The following TECRL variants were observed in gnomAD, a reference collection of about 807,000 sequenced individuals.
The protein encoded by TECRL is trans-2,3-enoyl-CoA reductase like, also known as trans-2,3-enoyl-CoA reductase-like.
A neutral mutation model predicts 52.8 loss-of-function variants in TECRL; 63 were observed. The ratio of observed to expected loss-of-function variants is 1.19; its 90% CI spans 0.97 to 1.47. The LOEUF is 1.47. Among genes scored for constraint, TECRL ranks in the 40% most tolerant of loss-of-function variants. The pLI, the probability that TECRL is intolerant of heterozygous loss-of-function variation, is 0.00. For missense variants in TECRL, 482 were observed against 429.6 expected, an observed-to-expected ratio of 1.12 and a Z score of -1.08; for synonymous variants, 164 against 141.9, an observed-to-expected ratio of 1.16 and a Z score of -1.10.
intron 2 of TECRL, among the ~76,000 whole-genome samples, chr4:64,336,163 G>A (rs1004064120): frequency 6.6e-6 from 1 of 152,144 alleles, no homozygotes; most frequent in African/African-American, 2.4e-5. Flanking sequence ...TGGTTGGTAA[G>A]CTGTTAATTA....
intron 2 of TECRL, among the ~76,000 whole-genome samples, chr4:64,354,545 G>A (rs555465585): frequency 6.6e-6 from 1 of 152,262 alleles, no homozygotes; most frequent in South Asian, 2.1e-4. Context: ...AAAGCTCTAA[G>A]TGATATAGCA....
At chr4:64,320,047 G>T (rs1011987165) in intron 4 of TECRL, among the ~76,000 whole-genome samples, 1 of 151,666 alleles carries the variant, frequency 6.6e-6, no homozygotes, top group Non-Finnish European at 1.5e-5. Context: ...TTATACAAGG[G>T]ATAAATTGTA....
chr4:64,350,399 G>C (rs762551767), intron 2 of TECRL, among the ~76,000 whole-genome samples: 14 of 152,118 alleles, frequency 9.2e-5, no homozygotes, highest in Admixed American at 7.9e-4. Context: ...TACATAACTA[G>C]GTGTGAAGGT....
intron 1 of TECRL, among the ~76,000 whole-genome samples, chr4:64,392,125 A>C (rs2081181513): frequency 6.6e-6 from 1 of 151,926 alleles, no homozygotes; most frequent in Non-Finnish European, 1.5e-5. Context: ...AGTCATCTGC[A>C]ACATTGACTG....
chr4:64,345,218 T>C (rs1166021995), intron 2 of TECRL, among the ~76,000 whole-genome samples: 1 of 152,182 alleles, frequency 6.6e-6, no homozygotes, highest in Admixed American at 6.5e-5. Context: ...CCCAAAGGAA[T>C]ATAAATCATG....
intron 2 of TECRL, among the ~76,000 whole-genome samples, chr4:64,331,500 AC>A (rs1718636292): frequency 6.6e-6 from 1 of 152,110 alleles, no homozygotes; most frequent in South Asian, 2.1e-4. Flanking sequence ...AAACTAATCC[AC>A]CATCAGACAG....
chr4:64,327,578 G>T (rs1208166907), intron 3 of TECRL, among the ~76,000 whole-genome samples: 1 of 152,066 alleles, frequency 6.6e-6, no homozygotes, highest in Non-Finnish European at 1.5e-5. Context: ...GTGGGAATTT[G>T]TCTTGAACAT....
At chr4:64,336,784 G>T (rs544506765) in intron 2 of TECRL, among the ~76,000 whole-genome samples, 2 of 152,360 alleles carry the variant, frequency 1.3e-5, no homozygotes, top group South Asian at 4.1e-4. Flanking sequence ...TCATTGAGGA[G>T]CAGGTTGTTC....
intron 7 of TECRL, among the ~76,000 whole-genome samples, chr4:64,304,363 G>T (rs1356185341): frequency 6.6e-6 from 1 of 151,778 alleles, no homozygotes; most frequent in Non-Finnish European, 1.5e-5. Flanking sequence ...TGTTGGTTTT[G>T]GCAAAGACCC....
In TECRL at chr4:64,354,028, GCA is replaced by G. The variant is rs1441008297; in HGVS notation, c.286+21142_286+21143del. Reference sequence around the variant, plus strand: ...AAAGGAATGGTATGCCACGTCAAATGCAGTTGAAAGTTCAAACTAGACATGCT... The same window carrying G: ...AAAGGAATGGTATGCCACGTCAAATGGTTGAAAGTTCAAACTAGACATGCT... On this transcript the variant is annotated intron_variant, in intron 2 of 11. Transcript: ENST00000381210. 2.1e-3 allele frequency among the ~76,000 whole-genome samples: 313 copies of G among 152,250 alleles called. 1 individual carries two copies. Among genetic ancestry groups the G allele is most frequent in the Non-Finnish European group, 1.1e-3 (74 of 67,996 alleles).
At chr4:64,341,294 G>A (rs535963448) in intron 2 of TECRL, among the ~76,000 whole-genome samples, 2 of 152,218 alleles carry the variant, frequency 1.3e-5, no homozygotes, top group Admixed American at 6.5e-5. Context: ...AAGGCTAAAA[G>A]AGCTATAACA....
rs189679900 is a variant in TECRL, at chr4:64,374,690, C to T, written c.286+482G>A. Among the ~76,000 whole-genome samples the T allele has an allele frequency of 5.8e-3, 876 of 152,022 alleles. 3 individuals carry two copies. The highest frequency in any genetic ancestry group is 0.02 in the African/African-American group (832 of 41,472). Reference sequence around the variant, plus strand: ...GGTTTTTTGTCCTTGCAATAGTTTGCTGAGAATGATGGTTTCCAGCTTCAT... The same window carrying T: ...GGTTTTTTGTCCTTGCAATAGTTTGTTGAGAATGATGGTTTCCAGCTTCAT... On this transcript the variant is annotated intron_variant, in intron 2 of 11. Coordinates refer to ENST00000381210, the MANE Select transcript of TECRL (RefSeq NM_001010874.5).
intron 2 of TECRL, among the ~76,000 whole-genome samples, chr4:64,359,262 G>C (rs1028935097): frequency 6.6e-6 from 1 of 151,820 alleles, no homozygotes; most frequent in Admixed American, 6.6e-5. Context: ...TTTATTACCT[G>C]TGTGTGTTTG....
At chr4:64,361,349 C>T (rs796496550) in intron 2 of TECRL, among the ~76,000 whole-genome samples, 8 of 152,264 alleles carry the variant, frequency 5.3e-5, no homozygotes, top group African/African-American at 1.2e-4. Flanking sequence ...CCAATGTACA[C>T]GTGTGTGTAT....
intron 1 of TECRL, among the ~76,000 whole-genome samples, chr4:64,380,699 A>G (rs1345111663): frequency 6.6e-6 from 1 of 152,060 alleles, no homozygotes; most frequent in Non-Finnish European, 1.5e-5. Flanking sequence ...TTTGAAGACA[A>G]TCAGTTGACT....
At chr4:64,284,689 C>T (rs1266229597) in intron 9 of TECRL, among the ~76,000 whole-genome samples, 7 of 151,998 alleles carry the variant, frequency 4.6e-5, no homozygotes, top group African/African-American at 1.7e-4. Flanking sequence ...AGGCTTGACC[C>T]ACAGAAAGTT....
intron 1 of TECRL, among the ~76,000 whole-genome samples, chr4:64,381,636 T>C (rs530376206): frequency 2.0e-5 from 3 of 152,142 alleles, no homozygotes; most frequent in Non-Finnish European, 4.4e-5. Context: ...TTTATCTGTA[T>C]CTATTACAGT....
intron 4 of TECRL, among the ~76,000 whole-genome samples, chr4:64,317,405 A>G (rs78402585): frequency 7.0e-6 from 1 of 143,096 alleles, no homozygotes; most frequent in Non-Finnish European, 1.5e-5. Flanking sequence ...TTTTATCTTG[A>G]AAAAAAAAAA....
intron 2 of TECRL, among the ~76,000 whole-genome samples, chr4:64,355,215 A>G (rs1287603261): frequency 6.6e-6 from 1 of 152,176 alleles, no homozygotes; most frequent in Non-Finnish European, 1.5e-5. Context: ...GAATGACATG[A>G]ATCTCATAGT....
Sources: allele counts gnomAD v4.1 joint callset (sites outside exome capture counted in the v4.1 genomes callset), GRCh38; gene constraint gnomAD v4.1.1; transcripts MANE v1.5; gene names NCBI Gene and HGNC (gene_info 2026-07-23, HGNC 2026-07-21).